Variants in AFF3 observed in about 807,000 individuals in gnomAD.
AFF3 encodes AF4/FMR2 family member 3.
In AFF3, 32 loss-of-function variants were observed where a neutral mutation model predicts 129.7. The ratio of observed to expected loss-of-function variants is 0.25; its 90% CI spans 0.19 to 0.33. The LOEUF is 0.33. AFF3 is among the 10% of genes least tolerant of loss of function. The pLI is 1.00. For synonymous variants in AFF3, 644 were observed against 635.4 expected, an observed-to-expected ratio of 1.01 and a Z score of -0.20; for missense variants, 1,373 against 1,592.0, an observed-to-expected ratio of 0.86 and a Z score of 2.34.
intron 7 of AFF3, among the ~76,000 whole-genome samples, chr2:99,923,007 A>G (rs1216792674): frequency 6.6e-6 from 1 of 152,216 alleles, no homozygotes; most frequent in Non-Finnish European, 1.5e-5. Flanking sequence ...CACCCGGAGT[A>G]GCAACCTTAT....
chr2:99,961,661 C>T (rs1677221731), intron 7 of AFF3, among the ~76,000 whole-genome samples: 1 of 152,108 alleles, frequency 6.6e-6, no homozygotes, highest in African/African-American at 2.4e-5. Flanking sequence ...CAATGATAAA[C>T]CCTGAAAATA....
At chr2:99,556,395 T>C (rs1674918155) in intron 22 of AFF3, among the ~76,000 whole-genome samples, 1 of 152,114 alleles carries the variant, frequency 6.6e-6, no homozygotes, top group South Asian at 2.1e-4. Context: ...TGAGCCAAGA[T>C]TGTGCCACTG....
chr2:99,657,378 C>T (rs1035981296), intron 12 of AFF3, among the ~76,000 whole-genome samples: 3 of 152,094 alleles, frequency 2.0e-5, no homozygotes, highest in African/African-American at 7.2e-5. Flanking sequence ...ATGAAGTAGC[C>T]CTGGATTCTA....
chr2:100,040,155 C>A (rs1035969997), intron 4 of AFF3, among the ~76,000 whole-genome samples: 5 of 152,166 alleles, frequency 3.3e-5, no homozygotes, highest in Admixed American at 3.3e-4. Context: ...ACCCTCCACG[C>A]TCTTGTCACA....
intron 7 of AFF3, among the ~76,000 whole-genome samples, chr2:99,845,624 T>C (rs1459475373): frequency 1.3e-5 from 2 of 152,136 alleles, no homozygotes; most frequent in African/African-American, 4.8e-5. Flanking sequence ...AACTTGACAT[T>C]GATAAGAATA....
chr2:100,061,551 G>A (rs1373064786), intron 4 of AFF3, among the ~76,000 whole-genome samples: 2 of 152,114 alleles, frequency 1.3e-5, no homozygotes, highest in African/African-American at 4.8e-5. Flanking sequence ...TCAGAGAAAG[G>A]AGAAAAAACT....
At chr2:99,578,786 G>C (rs1307524697) in intron 17 of AFF3, among the ~76,000 whole-genome samples, 1 of 152,154 alleles carries the variant, frequency 6.6e-6, no homozygotes, top group Non-Finnish European at 1.5e-5. Flanking sequence ...GGGTTTAGAT[G>C]CCCACTTTTC....
chr2:99,848,847 G>A (rs867702976), intron 7 of AFF3, among the ~76,000 whole-genome samples: 10 of 152,218 alleles, frequency 6.6e-5, no homozygotes, highest in African/African-American at 2.4e-4. Context: ...GCTTAATTAT[G>A]GACTTGATTT....
chr2:100,070,520 G>A (rs1688094432), intron 4 of AFF3, among the ~76,000 whole-genome samples: 1 of 152,082 alleles, frequency 6.6e-6, no homozygotes, highest in Non-Finnish European at 1.5e-5. Context: ...ATTATTATAC[G>A]ATGTTCATAG....
intron 8 of AFF3, among the ~76,000 whole-genome samples, chr2:99,802,115 G>C (rs1685985685): frequency 2.6e-5 from 4 of 152,086 alleles, no homozygotes; most frequent in Admixed American, 2.6e-4. Context: ...TGCATGTATG[G>C]GAGACAAACT....
chr2:99,956,059 A>C (rs534336311), intron 7 of AFF3, among the ~76,000 whole-genome samples: 1 of 152,260 alleles, frequency 6.6e-6, no homozygotes, highest in African/African-American at 2.4e-5. Context: ...AAAAACTGAG[A>C]ACTGTGTGTG....
intron 18 of AFF3, among the ~76,000 whole-genome samples, chr2:99,572,812 A>G (rs2104716459): frequency 6.6e-6 from 1 of 152,382 alleles, no homozygotes; most frequent in South Asian, 2.1e-4. Flanking sequence ...CAGCCACTCC[A>G]GGATGCTGGC....
At chr2:99,648,801 C>T (rs1684923012) in intron 13 of AFF3, among the ~76,000 whole-genome samples, 1 of 151,634 alleles carries the variant, frequency 6.6e-6, no homozygotes. Flanking sequence ...CAGCCAAGGG[C>T]ACAGCTCCTC....
chr2:99,611,978 A>G (rs1381642132), intron 13 of AFF3, among the ~76,000 whole-genome samples: 1 of 152,072 alleles, frequency 6.6e-6, no homozygotes, highest in Non-Finnish European at 1.5e-5. Context: ...GTCTGTGCCT[A>G]CTGCCAGGTT....
chr2:99,880,517 G>A (rs1692631565), intron 7 of AFF3, among the ~76,000 whole-genome samples: 1 of 152,222 alleles, frequency 6.6e-6, no homozygotes, highest in Non-Finnish European at 1.5e-5. Flanking sequence ...AGGCGGCCAT[G>A]GGATGGGCAG....
At chr2:99,956,444 G>C (rs80280460) in intron 7 of AFF3, among the ~76,000 whole-genome samples, 13 of 152,222 alleles carry the variant, frequency 8.5e-5, no homozygotes, top group African/African-American at 2.4e-4. Context: ...AAGTTGGAGG[G>C]GGGGGCTGTT....
chr2:99,849,415 TGGCGCAGTA>T (rs1231467089), intron 7 of AFF3, among the ~76,000 whole-genome samples: 1 of 152,136 alleles, frequency 6.6e-6, no homozygotes, highest in Non-Finnish European at 1.5e-5. Flanking sequence ...AGAGGTTGTG[TGGCGCAGTA>T]GGCAGGAACA....
chr2:99,677,332 C>T (rs925103850), intron 11 of AFF3, among the ~76,000 whole-genome samples: 7 of 151,574 alleles, frequency 4.6e-5, no homozygotes, highest in Admixed American at 3.3e-4. Flanking sequence ...GGCCTTAACA[C>T]TTGAAGAGTT....
chr2:99,969,066 A>T (rs568221624), intron 7 of AFF3, among the ~76,000 whole-genome samples: 2 of 152,302 alleles, frequency 1.3e-5, no homozygotes, highest in East Asian at 1.9e-4. Context: ...TGCTGTCCTC[A>T]TAAGATCCAA....
Sources: gnomAD v4.1 joint callset for allele counts (sites outside exome capture counted in the v4.1 genomes callset) on GRCh38, gnomAD v4.1.1 for gene constraint, MANE v1.5 for transcripts, NCBI Gene and HGNC (gene_info 2026-07-23, HGNC 2026-07-21) for gene names.